The following SI variants were observed in gnomAD, a reference collection of about 807,000 sequenced individuals.
SI encodes the protein sucrase-isomaltase.
In SI, 235 loss-of-function variants were observed where a neutral mutation model predicts 253.3. The ratio of observed to expected loss-of-function variants is 0.93; its 90% confidence interval spans 0.83 to 1.03. The LOEUF is 1.03. Among genes scored for constraint, SI ranks in the 50% least tolerant of loss-of-function variants. The pLI is 0.00. For synonymous variants in SI, 819 were observed against 712.0 expected (o/e 1.15, Z -2.39); for missense variants, 2,442 against 2,211.1 (o/e 1.10, Z -2.09).
At chr3:165,037,796 C>T in intron 21 of SI, 104 bp downstream of exon 21, 1 of 819,278 alleles carries the variant, frequency 1.2e-6, no homozygotes. Context: ...TGTCAAATAT[C>T]TTCTGGTGCA....
chr3:165,048,687 G>C (rs1281603253), intron 15 of SI, among the ~76,000 whole-genome samples: 1 of 150,684 alleles, frequency 6.6e-6, no homozygotes, highest in Non-Finnish European at 1.5e-5. Context: ...GCATGATCTC[G>C]GCTCACTGCA....
Position 165,030,875 on chromosome 3 carries a change from GACA to G in SI, c.2737-11_2737-9del. On this transcript the variant is annotated splice_polypyrimidine_tract_variant and intron_variant, in intron 24 of 47. Transcript: ENST00000264382. Reference sequence around the variant, plus strand: ...ATCTGCAATTAGGAGAACCTTTGAAGACAAAAAAAAAAAAAGAAAAAAAGAAAA... The same window carrying G: ...ATCTGCAATTAGGAGAACCTTTGAAGAAAAAAAAAAAAGAAAAAAAGAAAA... 1 of 636,730 alleles carries G rather than the reference GACA, an allele frequency of 1.6e-6. No homozygotes were observed. Among genetic ancestry groups the G allele is most frequent in the East Asian group, 5.1e-5 (1 of 19,628 alleles). 39.4% of individuals were successfully genotyped at this position (636,730 alleles called of 1,614,324 possible).
chr3:165,022,929 T>G (rs1374054587), intron 26 of SI, among the ~76,000 whole-genome samples: 1 of 151,594 alleles, frequency 6.6e-6, no homozygotes, highest in Non-Finnish European at 1.5e-5. Context: ...TTTTAATAGT[T>G]TTTCTCCTTA....
In SI at chr3:164,992,210, G is replaced by T; in HGVS notation, c.4950C>A (p.Tyr1650Ter). 1 of 1,612,036 alleles carries T rather than the reference G, an allele frequency of 6.2e-7. No homozygotes were observed. The highest frequency in any genetic ancestry group is 1.1e-5 in the South Asian group (1 of 91,022). ...AGTCAAACCACCGAGCATTGGGGACGTAGGCATTTACAGTTTGAACATACT... is the reference window on the plus strand; with the variant it reads ...AGTCAAACCACCGAGCATTGGGGACTTAGGCATTTACAGTTTGAACATACT... ...LEPYVQTVNA[Y>*]VPNARWFDYH... Residue 1650 changes from tyrosine (Y) to a stop codon, truncating the protein, a stop_gained, in exon 43 of 48, where the codon TAC becomes TAA. Transcript: ENST00000264382. LOFTEE classifies it high-confidence loss of function.
intron 6 of SI, among the ~76,000 whole-genome samples, chr3:165,066,819 A>T (rs1714270824): frequency 6.6e-6 from 1 of 151,990 alleles, no homozygotes; most frequent in African/African-American, 2.4e-5. Flanking sequence ...TTTATTAACA[A>T]TTCTTAGGGA....
rs752438339 is a variant in SI at position 164,979,337 on chromosome 3, T to A, written c.*25A>T. Reference sequence around the variant, plus strand: ...CTTAAATCCTGGTGTTTTTTCCCATTGACAACTAAAATTGATGGTGATCTT... The same window carrying A: ...CTTAAATCCTGGTGTTTTTTCCCATAGACAACTAAAATTGATGGTGATCTT... On this transcript the variant is annotated 3_prime_UTR_variant, in exon 48 of 48. Transcript: ENST00000264382. The A allele has an allele frequency of 1.4e-6, 2 of 1,438,404 alleles. No individual in the cohort carries two copies. Among genetic ancestry groups the A allele is most frequent in the South Asian group, 2.3e-5 (2 of 87,590 alleles). 89.1% of individuals were successfully genotyped at this position (1,438,404 alleles called of 1,614,324 possible).
intron 40 of SI, 128 bp from the exon 41 acceptor site, chr3:164,994,533 C>T: frequency 1.1e-6 from 1 of 917,310 alleles, no homozygotes; most frequent in Non-Finnish European, 1.7e-6. Context: ...TATGTACTTT[C>T]TTCCCAAAAT....
chr3:165,014,385 A>G (rs899538254), intron 33 of SI, among the ~76,000 whole-genome samples: 1 of 151,842 alleles, frequency 6.6e-6, no homozygotes, highest in Admixed American at 6.6e-5. Context: ...AGTAGCTGGG[A>G]CTACAGGCAC....
chr3:165,055,552 G>A (rs150430744), intron 12 of SI, among the ~76,000 whole-genome samples: 2,424 of 151,858 alleles, frequency 0.016, 69 homozygotes, highest in African/African-American at 0.055. Context: ...CATGGTATAA[G>A]GCTGCTATTT....
At chr3:165,072,000 C>T (rs1410950398) in intron 3 of SI, among the ~76,000 whole-genome samples, 1 of 152,038 alleles carries the variant, frequency 6.6e-6, no homozygotes, top group African/African-American at 2.4e-5. Flanking sequence ...TATATTTTGT[C>T]ATCATTGTGC....
At chr3:164,987,289 A>G (rs939651965) in intron 44 of SI, 63 bp from the exon 45 acceptor site, 2 of 1,328,640 alleles carry the variant, frequency 1.5e-6, no homozygotes, top group Non-Finnish European at 1.1e-6. Context: ...TAGTTATGAT[A>G]TGACATCCAC....
intron 41 of SI, among the ~76,000 whole-genome samples, chr3:164,992,919 C>T (rs1282274953): frequency 6.6e-6 from 1 of 151,438 alleles, no homozygotes; most frequent in African/African-American, 2.4e-5. Flanking sequence ...CTAGGAAAAA[C>T]AAAGGTTTTT....
chr3:165,003,618 T>C (rs1718360318), intron 37 of SI, among the ~76,000 whole-genome samples: 1 of 152,108 alleles, frequency 6.6e-6, no homozygotes, highest in South Asian at 2.1e-4. Context: ...TACTCTTTAC[T>C]TCAAAATGCT....
At chr3:164,980,798 A>T (rs1717148352) in intron 47 of SI, among the ~76,000 whole-genome samples, 1 of 152,136 alleles carries the variant, frequency 6.6e-6, no homozygotes, top group African/African-American at 2.4e-5. Context: ...ATATTAAAAT[A>T]TCTTATTTGG....
In SI at chr3:164,987,236, A is replaced by C; in HGVS notation, c.5109-10T>G. The C allele has an allele frequency of 1.2e-6, 2 of 1,606,134 alleles. No homozygotes were observed. The highest frequency in any genetic ancestry group is 1.7e-4 in the Middle Eastern group (1 of 6,042). On this transcript the variant is annotated splice_polypyrimidine_tract_variant and intron_variant, in intron 44 of 47. Coordinates refer to ENST00000264382, the MANE Select transcript of SI (RefSeq NM_001041.4). ...CATGTGTTTTTGTCGACTATAAGAAAGAAATATATAATTTTACCCATGTTT... is the reference window on the plus strand; with the variant it reads ...CATGTGTTTTTGTCGACTATAAGAACGAAATATATAATTTTACCCATGTTT...
At chr3:165,029,335 A>C (rs1712097545) in intron 25 of SI, among the ~76,000 whole-genome samples, 3 of 150,896 alleles carry the variant, frequency 2.0e-5, no homozygotes, top group Non-Finnish European at 1.5e-5. Flanking sequence ...GATAGTGGGA[A>C]TGTAAACTAG....
At chr3:165,042,073 C>T (rs1434709072) in intron 17 of SI, among the ~76,000 whole-genome samples, 2 of 152,016 alleles carry the variant, frequency 1.3e-5, no homozygotes, top group South Asian at 4.1e-4. Context: ...TCCTCATTTT[C>T]TCATGCCCAC....
At chr3:165,054,258 A>G (rs1231783120) in intron 13 of SI, among the ~76,000 whole-genome samples, 1 of 152,172 alleles carries the variant, frequency 6.6e-6, no homozygotes, top group Non-Finnish European at 1.5e-5. Flanking sequence ...TAGTGTGTCC[A>G]TTATGTACTT....
At chr3:165,016,732 T>G (rs542280640) in intron 31 of SI, among the ~76,000 whole-genome samples, 2 of 152,034 alleles carry the variant, frequency 1.3e-5, no homozygotes, top group African/African-American at 4.8e-5. Context: ...TGTTAATTAT[T>G]TTCTGTTAGT....
Sources: allele counts gnomAD v4.1 joint callset (sites outside exome capture counted in the v4.1 genomes callset), GRCh38; gene constraint gnomAD v4.1.1; transcripts MANE v1.5; gene names NCBI Gene and HGNC (gene_info 2026-07-23, HGNC 2026-07-21).